SORCS1: variants seen among roughly 807,000 people sequenced by gnomAD.
The protein encoded by SORCS1 is VPS10 domain-containing receptor SorCS1.
SORCS1 carries 60 observed loss-of-function variants against 146.1 expected under a neutral mutation model. The ratio of observed to expected loss-of-function variants is 0.41; its 90% CI spans 0.33 to 0.51. The LOEUF (loss-of-function observed/expected upper bound fraction) is 0.51, where lower values mean the gene tolerates loss of function less well. Among genes scored for constraint, SORCS1 ranks in the 20% least tolerant of loss-of-function variants. The probability of loss-of-function intolerance (pLI) is 0.21; values close to 1 mark genes in which losing one functional copy is unlikely to be tolerated. For missense variants in SORCS1, 1,352 were observed against 1,487.6 expected, an observed-to-expected ratio of 0.91 and a Z score of 1.50; for synonymous variants, 637 against 584.0, an observed-to-expected ratio of 1.09 and a Z score of -1.31.
intron 1 of SORCS1, among the ~76,000 whole-genome samples, chr10:107,042,862 G>T (rs542887732): frequency 6.6e-6 from 1 of 152,076 alleles, no homozygotes; most frequent in East Asian, 1.9e-4. Context: ...CACCTGCCTC[G>T]GCCTCCCAAT....
At chr10:107,028,911 A>G (rs1020964626) in intron 1 of SORCS1, among the ~76,000 whole-genome samples, 45 of 152,324 alleles carry the variant, frequency 3.0e-4, no homozygotes, top group African/African-American at 8.7e-4. Flanking sequence ...CTCTTTGTTC[A>G]TCATTAAAAT....
chr10:106,701,179 T>C lies in SORCS1; in HGVS notation c.1234-1786A>G, dbSNP rs77982080. 1.3e-3 allele frequency among the ~76,000 whole-genome samples: 203 copies of C among 152,348 alleles called. 7 individuals are homozygous for C. The East Asian group carries it at 0.029, about 22-fold the overall frequency. On this transcript the variant is annotated intron_variant, in intron 8 of 25. Transcript: ENST00000263054. ...TATCATTTATTTAATTTGTATTACT[T>C]TGTATTTTTTTTAATATTTTCAATC... is the stretch of plus-strand genomic sequence containing the variant.
chr10:106,637,939 T>C (rs552953567), intron 18 of SORCS1, among the ~76,000 whole-genome samples: 1 of 152,344 alleles, frequency 6.6e-6, no homozygotes, highest in South Asian at 2.1e-4. Flanking sequence ...CTTCTGTACT[T>C]GGTGTCTGGT....
At chr10:106,663,749 C>T (rs1199426669) in intron 17 of SORCS1, among the ~76,000 whole-genome samples, 1 of 152,180 alleles carries the variant, frequency 6.6e-6, no homozygotes, top group Non-Finnish European at 1.5e-5. Context: ...GGTGTGAGGC[C>T]TTCTTTGTAG....
At chr10:106,645,256 C>T (rs2133706855) in intron 18 of SORCS1, among the ~76,000 whole-genome samples, 1 of 151,024 alleles carries the variant, frequency 6.6e-6, no homozygotes, top group South Asian at 2.1e-4. Flanking sequence ...GCAACCTTCA[C>T]CTCCTAGGTT....
chr10:106,812,338 C>T (rs948844157), intron 3 of SORCS1, among the ~76,000 whole-genome samples: 5 of 152,262 alleles, frequency 3.3e-5, no homozygotes, highest in South Asian at 4.1e-4. Context: ...TACCACCATA[C>T]GTGGGAATGT....
chr10:106,648,005 CCA>C (rs1322060816), intron 18 of SORCS1, among the ~76,000 whole-genome samples: 4 of 151,856 alleles, frequency 2.6e-5, no homozygotes, highest in African/African-American at 9.7e-5. Context: ...GTAGCTGGGA[CCA>C]CAGACACACG....
intron 4 of SORCS1, among the ~76,000 whole-genome samples, chr10:106,762,067 T>A (rs1298207255): frequency 6.6e-6 from 1 of 152,198 alleles, no homozygotes; most frequent in Non-Finnish European, 1.5e-5. Flanking sequence ...CAATGTAACC[T>A]GAACCTGGCT....
chr10:107,070,857 C>G (rs1052967525), intron 1 of SORCS1, among the ~76,000 whole-genome samples: 1 of 151,740 alleles, frequency 6.6e-6, no homozygotes, highest in Non-Finnish European at 1.5e-5. Flanking sequence ...ATATAATTCT[C>G]CTGTGAAGAG....
chr10:106,924,752 T>G (rs1274304944), intron 2 of SORCS1, among the ~76,000 whole-genome samples: 1 of 132,598 alleles, frequency 7.5e-6, no homozygotes, highest in African/African-American at 2.7e-5. Context: ...ATTTTTACAT[T>G]TAACTGCATG....
intron 2 of SORCS1, among the ~76,000 whole-genome samples, chr10:106,924,941 C>A (rs1952939198): frequency 6.6e-6 from 1 of 152,064 alleles, no homozygotes; most frequent in African/African-American, 2.4e-5. Context: ...TGCAAACTGA[C>A]AATTCTTTTC....
chr10:106,710,321 C>T (rs1387731044), intron 6 of SORCS1, among the ~76,000 whole-genome samples: 7 of 150,638 alleles, frequency 4.6e-5, no homozygotes, highest in African/African-American at 1.5e-4. Flanking sequence ...GTGGCAGGCA[C>T]GTAAAATCAC....
chr10:106,930,989 A>G (rs868040188), intron 2 of SORCS1, among the ~76,000 whole-genome samples: 5 of 152,364 alleles, frequency 3.3e-5, no homozygotes, highest in Middle Eastern at 3.4e-3. Context: ...ATTAATGCTG[A>G]TAACTGTGGT....
rs75326992 is a variant in SORCS1, at chr10:106,679,391, A to C, written c.1664-59T>G. 1,729 of 1,381,460 alleles carry C rather than the reference A, an allele frequency of 1.3e-3. 19 individuals are homozygous for C. The African/African-American group carries it at 0.021, about 17-fold the overall frequency. The allele number at this position is 1,381,460 out of a possible 1,614,324, so 85.6% of individuals were successfully genotyped here. ...CTTTCTGCAAAAGCAACAATGGACT[A>C]TATTGGCAGGTGCACTGCCTGAGAA... On this transcript the variant is annotated intron_variant, in intron 11 of 25. Transcript: ENST00000263054.
chr10:106,885,132 A>C (rs1018800925), intron 2 of SORCS1, among the ~76,000 whole-genome samples: 2 of 152,242 alleles, frequency 1.3e-5, no homozygotes, highest in Admixed American at 6.5e-5. Flanking sequence ...CAAAACAAGA[A>C]GGATATTGTA....
At chr10:106,972,380 CA>C (rs35202189) in intron 1 of SORCS1, among the ~76,000 whole-genome samples, 21,113 of 94,146 alleles carry the variant, frequency 0.22, 1,345 homozygotes, top group Middle Eastern at 0.36. Context: ...GACTCTGTCT[CA>C]AAAAAAAAAA....
chr10:106,963,598 T>C (rs1312728240), intron 1 of SORCS1, among the ~76,000 whole-genome samples: 3 of 152,090 alleles, frequency 2.0e-5, no homozygotes, highest in African/African-American at 2.4e-5. Flanking sequence ...CCTTTAAGAA[T>C]ATAATCTGAT....
At chr10:106,719,439 A>C (rs375246270) in intron 6 of SORCS1, among the ~76,000 whole-genome samples, 216 of 145,610 alleles carry the variant, frequency 1.5e-3, no homozygotes, top group African/African-American at 5.1e-3. Context: ...TTTTTGATGG[A>C]GTCTCGCTCT....
intron 4 of SORCS1, among the ~76,000 whole-genome samples, chr10:106,772,612 A>G (rs2049002185): frequency 6.6e-6 from 1 of 152,164 alleles, no homozygotes; most frequent in African/African-American, 2.4e-5. Flanking sequence ...AACAAAAAAT[A>G]TCAAAAACCT....
Sources: allele counts gnomAD v4.1 joint callset (sites outside exome capture counted in the v4.1 genomes callset), GRCh38; gene constraint gnomAD v4.1.1; transcripts MANE v1.5; gene names NCBI Gene and HGNC (gene_info 2026-07-23, HGNC 2026-07-21).